Variants in TWIST2 observed in about 807,000 individuals in gnomAD.
The protein encoded by TWIST2 is twist family bHLH transcription factor 2, also known as twist-related protein 2.
TWIST2 carries 1 observed loss-of-function variant against 11.6 expected under a neutral mutation model. The ratio of observed to expected loss-of-function variants is 0.09; its 90% confidence interval spans 0.03 to 0.41. The LOEUF (loss-of-function observed/expected upper bound fraction) is 0.41, where lower values mean the gene tolerates loss of function less well. Ranked by LOEUF, TWIST2 falls within the 10% of genes least tolerant of loss-of-function variation. TWIST2 has a pLI of 0.98. For synonymous variants in TWIST2, 87 were observed against 96.6 expected (o/e 0.90, Z 0.58); for missense variants, 168 against 226.4 (o/e 0.74, Z 1.66).
At chr2:238,859,354 A>G (rs898472547) in intron 1 of TWIST2, among the ~76,000 whole-genome samples, 6 of 152,058 alleles carry the variant, frequency 3.9e-5, no homozygotes, top group African/African-American at 1.4e-4. Flanking sequence ...AAGCAAATCC[A>G]TACAGGCAGA....
At chr2:238,899,572 A>G (rs1415164647) in intron 1 of TWIST2, among the ~76,000 whole-genome samples, 1 of 152,144 alleles carries the variant, frequency 6.6e-6, no homozygotes, top group Non-Finnish European at 1.5e-5. Flanking sequence ...GGCCCGTCTC[A>G]GGGAGAGCTC....
intron 1 of TWIST2, among the ~76,000 whole-genome samples, chr2:238,890,339 C>A (rs989650416): frequency 2.6e-5 from 4 of 152,228 alleles, no homozygotes; most frequent in African/African-American, 9.6e-5. Context: ...CTGCGCGGGG[C>A]AGGCACCCTC....
chr2:238,893,967 C>G (rs1559283083), intron 1 of TWIST2, among the ~76,000 whole-genome samples: 2 of 152,118 alleles, frequency 1.3e-5, no homozygotes, highest in African/African-American at 4.8e-5. Context: ...CCTTGCCTCT[C>G]CTACCACGTG....
intron 1 of TWIST2, among the ~76,000 whole-genome samples, chr2:238,889,326 G>T (rs1388598478): frequency 1.3e-5 from 2 of 152,160 alleles, no homozygotes; most frequent in Non-Finnish European, 2.9e-5. Context: ...AGCAGTGTGT[G>T]TATATGTGTA....
At chr2:238,895,308 C>G (rs1237208472) in intron 1 of TWIST2, among the ~76,000 whole-genome samples, 3 of 152,246 alleles carry the variant, frequency 2.0e-5, no homozygotes, top group African/African-American at 7.2e-5. Flanking sequence ...CTTGGGATGT[C>G]AGGCCCTTCC....
intron 1 of TWIST2, among the ~76,000 whole-genome samples, chr2:238,879,312 A>T (rs1692864067): frequency 6.6e-6 from 1 of 152,162 alleles, no homozygotes; most frequent in Non-Finnish European, 1.5e-5. Flanking sequence ...GACCTCTTGA[A>T]AAGGTGACAG....
intron 1 of TWIST2, among the ~76,000 whole-genome samples, chr2:238,861,945 G>A (rs144992797): frequency 3.9e-5 from 6 of 152,218 alleles, no homozygotes; most frequent in Admixed American, 1.3e-4. Context: ...CCTTGGGATC[G>A]AGCATCCGCT....
chr2:238,850,835 A>G (rs1258466257), intron 1 of TWIST2, among the ~76,000 whole-genome samples: 1 of 152,206 alleles, frequency 6.6e-6, no homozygotes, highest in Non-Finnish European at 1.5e-5. Flanking sequence ...AGTAGTTCAA[A>G]CAAGCTAGTT....
rs575963191 is a variant in TWIST2, at chr2:238,882,198, C to T, written c.*36-27644C>T. On this transcript the variant is annotated intron_variant, in intron 1 of 1. Transcript: ENST00000612363. The stretch of plus-strand genomic sequence containing the variant: ...CACTTGCCTTCTTTTCCCTGGGGGG[C>T]TCTTTTCCCTCCTCTCCCAGCAGCA... Among the ~76,000 whole-genome samples the T allele has an allele frequency of 2.0e-5, 3 of 152,296 alleles. No individual in the cohort carries two copies. The South Asian group carries it at 6.2e-4, about 32-fold the overall frequency.
chr2:238,907,601 G>A (rs997371940), intron 1 of TWIST2, among the ~76,000 whole-genome samples: 7 of 152,032 alleles, frequency 4.6e-5, no homozygotes, highest in Non-Finnish European at 1.0e-4. Context: ...GGACCTTGTG[G>A]GGCTGGAAGA....
At chr2:238,870,134 AC>A (rs1559273437) in intron 1 of TWIST2, among the ~76,000 whole-genome samples, 3 of 63,396 alleles carry the variant, frequency 4.7e-5, no homozygotes, top group South Asian at 5.0e-4. Context: ...CCACACACAC[AC>A]CACACCCCAT....
rs1692465486 is a variant in TWIST2 at position 238,863,229 on chromosome 2, G to T, written c.*35+14496G>T. On this transcript the variant is annotated intron_variant, in intron 1 of 1. Coordinates refer to ENST00000612363, the MANE Select transcript of TWIST2 (RefSeq NM_001271893.4). The surrounding 1 kb of genome is among the most constrained non-coding windows in gnomAD (Gnocchi z 4.7). ...AAGGTGGTGCAGTGAAAATACAGCT[G>T]CCATCCACATAGGAATGCCCTCACC... Among the ~76,000 whole-genome samples, 2 of 152,086 alleles carry T rather than the reference G, an allele frequency of 1.3e-5. No individual in the cohort carries two copies. The highest frequency in any genetic ancestry group is 4.1e-4 in the South Asian group (2 of 4,824).
intron 1 of TWIST2, among the ~76,000 whole-genome samples, chr2:238,905,860 T>TGTGTGCGTGC (rs1220033148): frequency 7.2e-5 from 4 of 55,216 alleles, no homozygotes; most frequent in Non-Finnish European, 1.6e-4. Flanking sequence ...TGTGTGCGTG[T>TGTGTGCGTGC]GTGTGCGTGC....
In TWIST2 at chr2:238,870,130, ACACAC is replaced by A. The variant is rs767816326; in HGVS notation, c.*35+21404_*35+21408del. Among the ~76,000 whole-genome samples the A allele has an allele frequency of 4.4e-3, 540 of 123,212 alleles. 20 individuals are homozygous for A. The highest frequency in any genetic ancestry group is 7.7e-3 in the Non-Finnish European group (443 of 57,360). 80.8% of individuals were successfully genotyped at this position (123,212 alleles called of 152,430 possible). ...CAGACACACCATACACCCCCCACAC[ACACAC>A]CACACCCCATACACACCACACCCCA... On this transcript the variant is annotated intron_variant, in intron 1 of 1. Transcript: ENST00000612363.
At chr2:238,871,278 CCACAT>C in intron 1 of TWIST2, among the ~76,000 whole-genome samples, 1 of 28,564 alleles carries the variant, frequency 3.5e-5, no homozygotes. Context: ...ACACCACACA[CCACAT>C]CCCACACACT....
chr2:238,854,477 G>A (rs1385867351), intron 1 of TWIST2, among the ~76,000 whole-genome samples: 1 of 152,196 alleles, frequency 6.6e-6, no homozygotes, highest in East Asian at 1.9e-4. Context: ...GGTCTGTGGT[G>A]TGGTCACAGG....
intron 1 of TWIST2, among the ~76,000 whole-genome samples, chr2:238,861,936 C>G (rs1460070972): frequency 6.6e-6 from 1 of 152,206 alleles, no homozygotes; most frequent in Non-Finnish European, 1.5e-5. Context: ...CCGTACCATC[C>G]TTGGGATCGA....
chr2:238,865,568 C>G (rs1354515256), intron 1 of TWIST2, among the ~76,000 whole-genome samples: 1 of 152,216 alleles, frequency 6.6e-6, no homozygotes, highest in African/African-American at 2.4e-5. Flanking sequence ...AGATCAAACC[C>G]CTGCCCTACT....
chr2:238,875,694 G>A (rs547921089), intron 1 of TWIST2, among the ~76,000 whole-genome samples: 1 of 152,144 alleles, frequency 6.6e-6, no homozygotes, highest in Non-Finnish European at 1.5e-5. Flanking sequence ...CCATAAATCA[G>A]GCCAGACAAA....
Sources: gnomAD v4.1 joint callset for allele counts (sites outside exome capture counted in the v4.1 genomes callset) on GRCh38, gnomAD v4.1.1 for gene constraint, Gnocchi (gnomAD v3.1) non-coding constraint, MANE v1.5 for transcripts, NCBI Gene and HGNC (gene_info 2026-07-23, HGNC 2026-07-21) for gene names.